EIF5: variants seen among roughly 807,000 people sequenced by gnomAD.
EIF5 encodes the protein eukaryotic translation initiation factor 5.
A neutral mutation model predicts 48.3 loss-of-function variants in EIF5; 10 were observed. The observed-to-expected ratio is 0.21, with a 90% CI of 0.13 to 0.35. EIF5 has a LOEUF of 0.35. Among genes scored for constraint, EIF5 ranks in the 10% least tolerant of loss-of-function variants. The pLI, the probability that EIF5 is intolerant of heterozygous loss-of-function variation, is 1.00. For missense variants in EIF5, 397 were observed against 533.2 expected (o/e 0.74, Z 2.51); for synonymous variants, 237 against 173.1 (o/e 1.37, Z -2.90).
At chr14:103,336,629 G>T in intron 4 of EIF5, 48 bp from the exon 5 acceptor site, 1 of 1,527,884 alleles carries the variant, frequency 6.5e-7, no homozygotes. Context: ...TGAGTAGCCA[G>T]AGATCTAGTT....
chr14:103,337,755 A>C, intron 6 of EIF5: 1 of 438,222 alleles, frequency 2.3e-6, no homozygotes, highest in East Asian at 5.7e-5. Context: ...GGGTAGATGA[A>C]GTAATGACTA....
Position 103,343,339 on chromosome 14 carries a change from C to G in EIF5, c.*2287C>G, listed in dbSNP as rs1383415580. The G allele has an allele frequency of 6.6e-6, 1 of 152,216 alleles. No individual in the cohort carries two copies. Among genetic ancestry groups the G allele is most frequent in the African/African-American group, 2.4e-5 (1 of 41,460 alleles). 9.4% of individuals were successfully genotyped at this position (152,216 alleles called of 1,614,324 possible). ...AAAAGTTGTTCATTTCATTGGGTCA[C>G]TGGCTTTATTTGCTAGTCTTGTCTG... On this transcript the variant is annotated 3_prime_UTR_variant, in exon 12 of 12. Coordinates refer to ENST00000216554, the MANE Select transcript of EIF5 (RefSeq NM_001969.5).
At chr14:103,337,663 A>G (rs951519293) in intron 6 of EIF5, 2 of 339,384 alleles carry the variant, frequency 5.9e-6, no homozygotes, top group Non-Finnish European at 1.2e-5. Flanking sequence ...GACATCTTTC[A>G]AAAGTGTATT....
chr14:103,336,141 A>G (rs768834297), intron 4 of EIF5, 24 bp downstream of exon 4: 16 of 1,610,888 alleles, frequency 9.9e-6, no homozygotes, highest in Non-Finnish European at 1.4e-5. Context: ...GGAAAAGTCC[A>G]CAGGGCATAT....
At chr14:103,336,983 C>T in intron 5 of EIF5, 133 bp from the exon 6 acceptor site, 2 of 1,381,750 alleles carry the variant, frequency 1.4e-6, no homozygotes, top group Non-Finnish European at 1.9e-6. Flanking sequence ...GAGATATTTC[C>T]ATTCTTTTTT....
In EIF5 at chr14:103,341,096, T is replaced by C. The variant is rs1418899310; in HGVS notation, c.*44T>C. ...GCTTAACAGTATAATGCTGCAAATT[T>C]TCCTCCATTATCAGCCAGAAGTGCA... is the stretch of plus-strand genomic sequence containing the variant. On this transcript the variant is annotated 3_prime_UTR_variant, in exon 12 of 12. Coordinates refer to ENST00000216554, the MANE Select transcript of EIF5 (RefSeq NM_001969.5). 1.3e-6 allele frequency: 2 copies of C among 1,589,038 alleles called. No homozygotes were observed. Among genetic ancestry groups the C allele is most frequent in the African/African-American group, 1.3e-5 (1 of 74,470 alleles).
rs138373367 is a variant in EIF5 at position 103,335,496 on chromosome 14, G to A, written c.-208-157G>A. On this transcript the variant is annotated intron_variant, in intron 2 of 11. Coordinates refer to ENST00000216554, the MANE Select transcript of EIF5 (RefSeq NM_001969.5). ...TTTTTATGTTCCCGCAGATTGTACT[G>A]TGTTACATGAGAATGGCTGTTTGCA... 435 of 291,940 alleles carry A rather than the reference G, an allele frequency of 1.5e-3. 12 individuals are homozygous for A. The East Asian group carries it at 0.032, about 21-fold the overall frequency. The allele number at this position is 291,940 out of a possible 1,614,324, so 18.1% of individuals were successfully genotyped here.
chr14:103,340,672 G>C, intron 11 of EIF5, 111 bp downstream of exon 11: 1 of 1,406,246 alleles, frequency 7.1e-7, no homozygotes, highest in Non-Finnish European at 9.6e-7. Flanking sequence ...TTCAGGTTTA[G>C]AATTTAAGAT....
At position 103,337,005 on chromosome 14, in the gene EIF5, C is replaced by T. The variant is rs901799164; in HGVS notation, c.328-111C>T. ...TTCCATTCTTTTTTTTAAAGTAGGT[C>T]ACTGTGTGAAAAAAGTTTTCTTTGC... On this transcript the variant is annotated intron_variant, in intron 5 of 11. Transcript: ENST00000216554. 6 of 1,342,466 alleles carry T rather than the reference C, an allele frequency of 4.5e-6. No individual in the cohort carries two copies. The Admixed American group carries it at 1.3e-4, about 29-fold the overall frequency. 83.2% of individuals were successfully genotyped at this position (1,342,466 alleles called of 1,614,324 possible).
At chr14:103,337,949 C>G (rs200543633) in intron 6 of EIF5, 3 of 529,036 alleles carry the variant, frequency 5.7e-6, no homozygotes, top group Admixed American at 1.9e-5. Flanking sequence ...TCCCATGAGA[C>G]AAGCCGTTAT....
intron 7 of EIF5, 59 bp from the exon 8 acceptor site, chr14:103,338,676 G>T: frequency 1.3e-6 from 2 of 1,577,978 alleles, no homozygotes; most frequent in Non-Finnish European, 8.6e-7. Flanking sequence ...GGCAAAATCT[G>T]AACCTTTTTG....
At chr14:103,337,741 C>T (rs2089304922) in intron 6 of EIF5, 2 of 428,676 alleles carry the variant, frequency 4.7e-6, no homozygotes, top group Non-Finnish European at 9.1e-6. Flanking sequence ...AAGACATTAT[C>T]TGAGGGTAGA....
chr14:103,336,948 A>C, intron 5 of EIF5, 99 bp downstream of exon 5: 1 of 1,448,982 alleles, frequency 6.9e-7, no homozygotes, highest in Non-Finnish European at 9.3e-7. Context: ...TGTAATTTTA[A>C]ATCAAACACA....
chr14:103,338,576 A>G, intron 7 of EIF5, 104 bp downstream of exon 7: 5 of 1,491,464 alleles, frequency 3.4e-6, no homozygotes, highest in East Asian at 2.5e-5. Flanking sequence ...AGTGTGTAAT[A>G]CACTAATATT....
intron 6 of EIF5, chr14:103,337,501 C>G (rs1012182924): frequency 4.7e-6 from 2 of 421,266 alleles, no homozygotes; most frequent in African/African-American, 4.1e-5. Flanking sequence ...ACTCCGGTAG[C>G]TGAGGCATGA....
Position 103,344,698 on chromosome 14 carries a change from G to C in EIF5, c.*3646G>C, listed in dbSNP as rs149331392. On this transcript the variant is annotated 3_prime_UTR_variant, in exon 12 of 12. Coordinates refer to ENST00000216554, the MANE Select transcript of EIF5 (RefSeq NM_001969.5). ...CCTAAAACCTCTTTAAAAACGGTCA[G>C]TTAACTAAAAAATAAAAATCAAGTC... is the stretch of plus-strand genomic sequence containing the variant. 1 of 152,168 alleles carries C rather than the reference G, an allele frequency of 6.6e-6. No homozygotes were observed. Among genetic ancestry groups the C allele is most frequent in the East Asian group, 1.9e-4 (1 of 5,184 alleles). The allele number at this position is 152,168 out of a possible 1,614,324, so 9.4% of individuals were successfully genotyped here. A position where few individuals can be genotyped will look rare whatever the true frequency, so the allele number is the denominator to read the frequency against.
rs2089319680 is a variant in EIF5, at chr14:103,338,831, C to T, written c.682C>T (p.Leu228Phe). 1.2e-6 allele frequency: 2 copies of T among 1,614,088 alleles called. No homozygotes were observed. Among genetic ancestry groups the T allele is most frequent in the Non-Finnish European group, 1.7e-6 (2 of 1,180,052 alleles). Residue 228 changes from leucine to phenylalanine, a missense_variant, in exon 8 of 12, where the codon CTC (leucine) becomes TTC (phenylalanine). Around this residue, in one of 4 missense-constraint regions of EIF5, gnomAD observed 126 missense variants for 141.9 expected, o/e 0.89. Transcript: ENST00000216554. The part of the protein sequence containing the change: ...EISDHAKVLT[L>F]SDDLERTIEE... ...CAGTGACCATGCAAAAGTTCTGACA[C>T]TCAGTGATGATTTGGAAAGAACAAT...
At position 103,342,202 on chromosome 14, in the gene EIF5, A is replaced by T. The variant is rs1350297272; in HGVS notation, c.*1150A>T. On this transcript the variant is annotated 3_prime_UTR_variant, in exon 12 of 12. Coordinates refer to ENST00000216554, the MANE Select transcript of EIF5 (RefSeq NM_001969.5). ...AAAGCTAAAAGCATACTTCTAAGTC[A>T]GAGCCTCTATTTTGGTGTAAGACTT... is the stretch of plus-strand genomic sequence containing the variant. 6.6e-6 allele frequency: 1 copy of T among 152,438 alleles called. No homozygotes were observed. Among genetic ancestry groups the T allele is most frequent in the African/African-American group, 2.4e-5 (1 of 41,388 alleles). 9.4% of individuals were successfully genotyped at this position (152,438 alleles called of 1,614,324 possible). A position where few individuals can be genotyped will look rare whatever the true frequency, so the allele number is the denominator to read the frequency against.
rs754759724 is a variant in EIF5 at position 103,343,920 on chromosome 14, G to A, written c.*2868G>A. ...TACAGCTTGACCTACCAGTATTCCG[G>A]AGTAACCAGCAAATGCAAAGTTGAC... On this transcript the variant is annotated 3_prime_UTR_variant, in exon 12 of 12. Coordinates refer to ENST00000216554, the MANE Select transcript of EIF5 (RefSeq NM_001969.5). 15 of 152,134 alleles carry A rather than the reference G, an allele frequency of 9.9e-5. No individual in the cohort carries two copies. The highest frequency in any genetic ancestry group is 2.1e-4 in the South Asian group (1 of 4,826). The allele number at this position is 152,134 out of a possible 1,614,324, so 9.4% of individuals were successfully genotyped here. A position where few individuals can be genotyped will look rare whatever the true frequency, so the allele number is the denominator to read the frequency against.
Sources: gnomAD v4.1 joint callset for allele counts on GRCh38, gnomAD v4.1.1 for gene constraint, gnomAD v4.1.1 regional missense constraint, MANE v1.5 for transcripts, NCBI Gene and HGNC (gene_info 2026-07-23, HGNC 2026-07-21) for gene names.